AGBL1: variants seen among roughly 807,000 people sequenced by gnomAD.
AGBL1 encodes the protein cytosolic carboxypeptidase 4.
In AGBL1, 130 loss-of-function variants were observed where a neutral mutation model predicts 118.9. The ratio of observed to expected loss-of-function variants is 1.09; its 90% CI spans 0.95 to 1.26. The LOEUF is 1.26. AGBL1 is among the 50% of genes most tolerant of loss of function. AGBL1 has a pLI of 0.00. For synonymous variants in AGBL1, 555 were observed against 478.9 expected, an observed-to-expected ratio of 1.16 and a Z score of -2.08; for missense variants, 1,584 against 1,298.1, an observed-to-expected ratio of 1.22 and a Z score of -3.38.
chr15:86,945,529 C>T lies in AGBL1; in HGVS notation c.3222-42458C>T, dbSNP rs187507705. On this transcript the variant is annotated intron_variant, in intron 23 of 24. Coordinates refer to the AGBL1 transcript ENST00000441037. ...ACAAAAAATACAAAAAAAAATTAGC[C>T]GGTTGTGGTGGCATGCACCTGTGGT... 4.6e-5 allele frequency among the ~76,000 whole-genome samples: 7 copies of T among 151,914 alleles called. No individual in the cohort carries two copies. The East Asian group carries it at 1.2e-3, about 25-fold the overall frequency.
chr15:86,452,678 A>G (rs1031499427), intron 18 of AGBL1, among the ~76,000 whole-genome samples: 3 of 152,124 alleles, frequency 2.0e-5, no homozygotes, highest in African/African-American at 7.2e-5. Context: ...CAGTGATGGT[A>G]AACACCAACG....
At chr15:86,989,647 T>C (rs2081318995) in intron 24 of AGBL1, among the ~76,000 whole-genome samples, 1 of 152,214 alleles carries the variant, frequency 6.6e-6, no homozygotes, top group Non-Finnish European at 1.5e-5. Context: ...AGAATGGTGA[T>C]AAAGATTTTA....
intron 21 of AGBL1, among the ~76,000 whole-genome samples, chr15:86,580,095 G>A (rs898365905): frequency 1.3e-5 from 2 of 152,202 alleles, no homozygotes; most frequent in Non-Finnish European, 2.9e-5. Flanking sequence ...AAATTCTTGA[G>A]TATATAATCA....
At chr15:86,870,333 G>A (rs775032384) in intron 22 of AGBL1, among the ~76,000 whole-genome samples, 10 of 104,948 alleles carry the variant, frequency 9.5e-5, no homozygotes, top group South Asian at 3.3e-4. Context: ...GTCAAATAAT[G>A]AGTAAGTGGC....
intron 6 of AGBL1, among the ~76,000 whole-genome samples, chr15:86,225,340 C>A (rs959942656): frequency 6.6e-6 from 1 of 152,040 alleles, no homozygotes; most frequent in East Asian, 1.9e-4. Context: ...GCCTCCAGGT[C>A]CCAGTGGAAG....
At chr15:86,552,994 G>C (rs561476193) in intron 20 of AGBL1, among the ~76,000 whole-genome samples, 1 of 152,052 alleles carries the variant, frequency 6.6e-6, no homozygotes, top group Non-Finnish European at 1.5e-5. Flanking sequence ...CATGAGGACA[G>C]TAAGTACCAG....
At chr15:86,167,437 G>C (rs2077357251) in intron 5 of AGBL1, among the ~76,000 whole-genome samples, 1 of 151,980 alleles carries the variant, frequency 6.6e-6, no homozygotes, top group Non-Finnish European at 1.5e-5. Context: ...GTAGAGATGG[G>C]GTTTCACCAT....
intron 22 of AGBL1, among the ~76,000 whole-genome samples, chr15:86,815,302 G>T (rs115011206): frequency 0.015 from 2,206 of 152,094 alleles, 45 homozygotes; most frequent in African/African-American, 0.049. Flanking sequence ...ATGTAAATAG[G>T]TTGCCAGAAT....
chr15:86,861,440 C>T (rs973178791), intron 22 of AGBL1, among the ~76,000 whole-genome samples: 1 of 152,126 alleles, frequency 6.6e-6, no homozygotes, highest in Non-Finnish European at 1.5e-5. Flanking sequence ...GTTATTATCC[C>T]TATTCTATTA....
chr15:86,870,136 A>G (rs2079699351), intron 22 of AGBL1, among the ~76,000 whole-genome samples: 1 of 152,200 alleles, frequency 6.6e-6, no homozygotes, highest in Admixed American at 6.5e-5. Flanking sequence ...TAATTGAACA[A>G]CATGAACTTT....
chr15:86,320,441 A>AT (rs1348799483), intron 17 of AGBL1, among the ~76,000 whole-genome samples: 1 of 151,876 alleles, frequency 6.6e-6, no homozygotes, highest in African/African-American at 2.4e-5. Context: ...AATGTGATGG[A>AT]TTTTTCTATA....
At chr15:86,799,051 T>C (rs74025497) in intron 22 of AGBL1, among the ~76,000 whole-genome samples, 2,448 of 152,152 alleles carry the variant, frequency 0.016, 39 homozygotes, top group Middle Eastern at 0.061. Context: ...ATTTGATTAG[T>C]GCTCAGTGTC....
intron 6 of AGBL1, among the ~76,000 whole-genome samples, chr15:86,238,064 C>T (rs1414766810): frequency 6.6e-6 from 1 of 152,198 alleles, no homozygotes; most frequent in African/African-American, 2.4e-5. Context: ...CTCCAATGCC[C>T]CCTCCTCAAG....
chr15:86,134,121 CAGAG>C (rs1567076104), intron 1 of AGBL1, among the ~76,000 whole-genome samples: 2 of 152,192 alleles, frequency 1.3e-5, no homozygotes, highest in Non-Finnish European at 2.9e-5. Flanking sequence ...TGTGTGAAGA[CAGAG>C]AGCGGCTGGT....
chr15:86,925,579 C>G (rs56371043), intron 23 of AGBL1, among the ~76,000 whole-genome samples: 5,951 of 152,186 alleles, frequency 0.039, 156 homozygotes, highest in Middle Eastern at 0.071. Context: ...CACAGATGCT[C>G]ATATTACTAT....
chr15:86,375,100 C>A (rs1239368435), intron 17 of AGBL1, among the ~76,000 whole-genome samples: 1 of 152,192 alleles, frequency 6.6e-6, no homozygotes, highest in African/African-American at 2.4e-5. Flanking sequence ...TTTGGTCAGA[C>A]CCAAGGCAGC....
At chr15:86,484,617 G>A (rs2082691735) in intron 18 of AGBL1, among the ~76,000 whole-genome samples, 1 of 152,028 alleles carries the variant, frequency 6.6e-6, no homozygotes, top group Non-Finnish European at 1.5e-5. Flanking sequence ...GTTCGCCTAA[G>A]CTTGAGTACT....
chr15:86,122,245 G>A (rs1160579831), intron 1 of AGBL1, among the ~76,000 whole-genome samples: 1 of 152,180 alleles, frequency 6.6e-6, no homozygotes, highest in African/African-American at 2.4e-5. Context: ...GTTGCAAACG[G>A]AGTAATGGGC....
chr15:86,401,752 T>G (rs1490226722), intron 18 of AGBL1, among the ~76,000 whole-genome samples: 1 of 152,186 alleles, frequency 6.6e-6, no homozygotes, highest in Non-Finnish European at 1.5e-5. Flanking sequence ...AAAGATCACT[T>G]GGCTGTTAAG....
Sources: allele counts gnomAD v4.1 joint callset (sites outside exome capture counted in the v4.1 genomes callset), GRCh38; gene constraint gnomAD v4.1.1; transcripts MANE v1.5; gene names NCBI Gene and HGNC (gene_info 2026-07-23, HGNC 2026-07-21).